FAAH: variants seen among roughly 807,000 people sequenced by gnomAD.
The protein encoded by FAAH is fatty-acid amide hydrolase 1.
In FAAH, 63 loss-of-function variants were observed where a neutral mutation model predicts 69.7. The ratio of observed to expected loss-of-function variants is 0.90; its 90% CI spans 0.74 to 1.12. The LOEUF is 1.12. FAAH is among the 50% of genes most tolerant of loss of function. The pLI is 0.00. For synonymous variants in FAAH, 305 were observed against 324.2 expected (o/e 0.94, Z 0.64); for missense variants, 680 against 755.0 (o/e 0.90, Z 1.16).
rs1318747500 is a variant in FAAH at position 46,413,136 on chromosome 1, C to T, written c.1527C>T (p.Val509=). The T allele has an allele frequency of 1.9e-6, 3 of 1,614,166 alleles. No homozygotes were observed. Among genetic ancestry groups the T allele is most frequent in the Non-Finnish European group, 2.5e-6 (3 of 1,180,022 alleles). The part of the protein sequence containing the change: ...CLDFPAGVVP[V]TTVTAEDEAQ... ...ACTTCCCTGCAGGGGTGGTGCCTGT[C>T]ACCACGGTGACTGCTGAGGACGAGG... Residue 509 remains valine (V), a synonymous_variant, in exon 14 of 15, where the codon GTC becomes GTT. Coordinates refer to ENST00000243167, the MANE Select transcript of FAAH (RefSeq NM_001441.3).
Position 46,410,342 on chromosome 1 carries a change from C to T in FAAH, c.1176-56C>T. ...ATGGGATTGCTGTGGGCCGGGCGAG[C>T]AAGCTGGGAAGGATGTGGGGATGGG... On this transcript the variant is annotated intron_variant, in intron 9 of 14. Transcript: ENST00000243167. The surrounding 1 kb of genome is among the most constrained non-coding windows in gnomAD (Gnocchi z 4.9). 6.9e-7 allele frequency: 1 copy of T among 1,448,212 alleles called. No individual in the cohort carries two copies. Among genetic ancestry groups the T allele is most frequent in the South Asian group, 1.1e-5 (1 of 87,654 alleles). 89.7% of individuals were successfully genotyped at this position (1,448,212 alleles called of 1,614,324 possible).
At chr1:46,412,342 G>A in intron 13 of FAAH, 91 bp downstream of exon 13, 1 of 1,123,744 alleles carries the variant, frequency 8.9e-7, no homozygotes, top group Non-Finnish European at 1.3e-6. Context: ...CCTCTGGGAG[G>A]ACCCTGCCCT....
At position 46,406,583 on chromosome 1, in the gene FAAH, CTTTTTTTTTTT is replaced by C. The variant is rs34839737; in HGVS notation, c.951+222_951+232del. ...TTTTTTTTTTTCCTTTTCTTTCTTT[CTTTTTTTTTTT>C]TTTTTTGAGACTGAGTATCGCTCTG... is the stretch of plus-strand genomic sequence containing the variant. On this transcript the variant is annotated intron_variant, in intron 7 of 14. Transcript: ENST00000243167. Among the ~76,000 whole-genome samples, 809 of 117,748 alleles carry C rather than the reference CTTTTTTTTTTT, an allele frequency of 6.9e-3. 9 individuals carry two copies. Among genetic ancestry groups the C allele is most frequent in the Middle Eastern group, 0.044 (9 of 206 alleles). The allele number at this position is 117,748 out of a possible 152,430, so 77.2% of individuals were successfully genotyped here.
In FAAH at chr1:46,411,155, A is replaced by G. The variant is rs112131491; in HGVS notation, c.1316+301A>G. On this transcript the variant is annotated intron_variant, in intron 11 of 14. Transcript: ENST00000243167. The surrounding 1 kb of genome is among the most constrained non-coding windows in gnomAD (Gnocchi z 4.8). ...CAGGAAGTGGGGGTTGGCCTGGGCCAAGGGTGGGGCACCCGGGAGAGATGC... is the reference window on the plus strand; with the variant it reads ...CAGGAAGTGGGGGTTGGCCTGGGCCGAGGGTGGGGCACCCGGGAGAGATGC... Among the ~76,000 whole-genome samples, 299 of 152,328 alleles carry G rather than the reference A, an allele frequency of 2.0e-3. 5 individuals are homozygous for G. The Middle Eastern group carries it at 0.037, about 19-fold the overall frequency.
intron 2 of FAAH, among the ~76,000 whole-genome samples, chr1:46,403,834 G>A (rs1185501762): frequency 1.3e-5 from 2 of 152,230 alleles, no homozygotes; most frequent in Non-Finnish European, 2.9e-5. Flanking sequence ...CCCATGGGGG[G>A]TCTTTGTGGA....
intron 9 of FAAH, 95 bp downstream of exon 9, chr1:46,409,293 G>A (rs1664857973): frequency 1.0e-6 from 1 of 983,986 alleles, no homozygotes; most frequent in African/African-American, 1.6e-5. Flanking sequence ...ATGGGCCTTA[G>A]CTGAATCCAA....
At position 46,409,875 on chromosome 1, in the gene FAAH, C is replaced by T. The variant is rs74886799; in HGVS notation, c.1176-523C>T. ...CAGCTTCACTCAGTCAAGGGCCCAG[C>T]CTGTCATGTTCCTTTCCTTCCCCTA... On this transcript the variant is annotated intron_variant, in intron 9 of 14. Coordinates refer to ENST00000243167, the MANE Select transcript of FAAH (RefSeq NM_001441.3). Among the ~76,000 whole-genome samples, 82 of 152,318 alleles carry T rather than the reference C, an allele frequency of 5.4e-4. 1 individual carries two copies. The East Asian group carries it at 0.013, about 25-fold the overall frequency.
chr1:46,394,451 C>G lies in FAAH; in HGVS notation c.103C>G (p.Arg35Gly), dbSNP rs1295514827. ...CGTGGCCCTGCGCTGGTCCGGGCGC[C>G]GGACGGCGCGGGGCGCGGTGGTCCG... ...AAVALRWSGR[R>G]TARGAVVRAR... The change falls in exon 1 of 15, where the codon CGG becomes GGG. Residue 35 changes from arginine to glycine, a missense_variant. By Grantham distance (125) the Arg-to-Gly change is moderately radical (BLOSUM62 -2). Transcript: ENST00000243167. The G allele has an allele frequency of 7.3e-6, 10 of 1,376,218 alleles. No homozygotes were observed. The East Asian group carries it at 3.1e-4, about 42-fold the overall frequency. The allele number at this position is 1,376,218 out of a possible 1,614,324, so 85.3% of individuals were successfully genotyped here.
Position 46,410,229 on chromosome 1 carries a change from C to T in FAAH, c.1176-169C>T, listed in dbSNP as rs867924505. ...GGATGTGGGTTGCAGCCCAGGCATC[C>T]CAAAGGATCAGCAGAAACAAACGGC... is the stretch of plus-strand genomic sequence containing the variant. On this transcript the variant is annotated intron_variant, in intron 9 of 14. Coordinates refer to ENST00000243167, the MANE Select transcript of FAAH (RefSeq NM_001441.3). The surrounding 1 kb of genome is among the most constrained non-coding windows in gnomAD (Gnocchi z 4.9). 1.4e-5 allele frequency: 10 copies of T among 708,504 alleles called. No homozygotes were observed. In the Middle Eastern group the frequency reaches 2.5e-3, roughly 180 times the overall value. The allele number at this position is 708,504 out of a possible 1,614,324, so 43.9% of individuals were successfully genotyped here. A position where few individuals can be genotyped will look rare whatever the true frequency, so the allele number is the denominator to read the frequency against.
chr1:46,404,914 G>T lies in FAAH; in HGVS notation c.310-100G>T. On this transcript the variant is annotated intron_variant, in intron 2 of 14. Coordinates refer to ENST00000243167, the MANE Select transcript of FAAH (RefSeq NM_001441.3). This position sits in a 1 kb window ranked among gnomAD's most constrained non-coding sequence, Gnocchi z 4.5. ...ATGTTGCTGGTTACCCCTCTCCCTG[G>T]GTATACTTTAAAAGGCCAGTTCTAC... is the stretch of plus-strand genomic sequence containing the variant. 1 of 1,533,732 alleles carries T rather than the reference G, an allele frequency of 6.5e-7. No individual in the cohort carries two copies. The highest frequency in any genetic ancestry group is 1.4e-5 in the African/African-American group (1 of 73,406).
In FAAH at chr1:46,405,863, G is replaced by A; in HGVS notation, c.785+69G>A. The A allele has an allele frequency of 2.5e-6, 4 of 1,606,196 alleles. No individual in the cohort carries two copies. Among genetic ancestry groups the A allele is most frequent in the East Asian group, 2.2e-5 (1 of 44,550 alleles). On this transcript the variant is annotated intron_variant, in intron 5 of 14. Transcript: ENST00000243167. The surrounding 1 kb of genome is among the most constrained non-coding windows in gnomAD (Gnocchi z 4.1). ...CTTGGCCTAGCTTCCAACCTCTCTG[G>A]GCTCCAGGCGGGGATTCGGTCTCCG... is the stretch of plus-strand genomic sequence containing the variant.
At chr1:46,397,599 T>C (rs1664619014) in intron 1 of FAAH, among the ~76,000 whole-genome samples, 1 of 152,232 alleles carries the variant, frequency 6.6e-6, no homozygotes, top group Non-Finnish European at 1.5e-5. Flanking sequence ...TCTTGCTCTG[T>C]CGCCCAGGCT....
At chr1:46,412,941 A>T (rs78357621) in intron 13 of FAAH, 134 bp from the exon 14 acceptor site, 3 of 1,096,092 alleles carry the variant, frequency 2.7e-6, no homozygotes, top group Non-Finnish European at 2.7e-6. Flanking sequence ...TTTGTCACTC[A>T]GACCTCAGTC....
At position 46,413,460 on chromosome 1, in the gene FAAH, G is replaced by A. The variant is rs201397810; in HGVS notation, c.1625G>A (p.Ser542Asn). ...TATCCCCTATAGGGCATGAAGAAGA[G>A]TGTGGGGCTGCCGGTGGCCGTGCAG... ...DKMLQKGMKK[S>N]VGLPVAVQCV... The change falls in exon 15 of 15, where the codon AGT becomes AAT. Residue 542 changes from serine to asparagine, a missense_variant. Coordinates refer to ENST00000243167, the MANE Select transcript of FAAH (RefSeq NM_001441.3). 2.8e-5 allele frequency: 45 copies of A among 1,614,042 alleles called. No homozygotes were observed. Among genetic ancestry groups the A allele is most frequent in the Non-Finnish European group, 3.6e-5 (43 of 1,180,024 alleles).
Position 46,410,083 on chromosome 1 carries a change from TCCC to T in FAAH, c.1176-314_1176-312del, listed in dbSNP as rs1664883533. On this transcript the variant is annotated intron_variant, in intron 9 of 14. Coordinates refer to ENST00000243167, the MANE Select transcript of FAAH (RefSeq NM_001441.3). The surrounding 1 kb of genome is among the most constrained non-coding windows in gnomAD (Gnocchi z 4.9). Reference sequence around the variant, plus strand: ...CCCACCTGTGCCTCCAGGCTGTACCTCCCTAAGGGGAGGTACCCTCAGGGAGGC... The same window carrying T: ...CCCACCTGTGCCTCCAGGCTGTACCTTAAGGGGAGGTACCCTCAGGGAGGC... 3.3e-5 allele frequency: 10 copies of T among 303,014 alleles called. No homozygotes were observed. Among genetic ancestry groups the T allele is most frequent in the South Asian group, 3.2e-4 (8 of 25,046 alleles). The allele number at this position is 303,014 out of a possible 1,614,324, so 18.8% of individuals were successfully genotyped here. A position where few individuals can be genotyped will look rare whatever the true frequency, so the allele number is the denominator to read the frequency against.
At position 46,411,890 on chromosome 1, in the gene FAAH, C is replaced by T. The variant is rs952825666; in HGVS notation, c.1356+239C>T. ...TCCTGTCCTGGCCGCCTTTTTGCCCCTCTGGAGCTGCCTTTGTGTGGCTCC... is the reference window on the plus strand; with the variant it reads ...TCCTGTCCTGGCCGCCTTTTTGCCCTTCTGGAGCTGCCTTTGTGTGGCTCC... On this transcript the variant is annotated intron_variant, in intron 12 of 14. Coordinates refer to ENST00000243167, the MANE Select transcript of FAAH (RefSeq NM_001441.3). The surrounding 1 kb of genome is among the most constrained non-coding windows in gnomAD (Gnocchi z 4.8). Among the ~76,000 whole-genome samples the T allele has an allele frequency of 2.6e-5, 4 of 152,262 alleles. No individual in the cohort carries two copies. The highest frequency in any genetic ancestry group is 9.6e-5 in the African/African-American group (4 of 41,474).
rs1022748542 is a variant in FAAH at position 46,405,683 on chromosome 1, T to A, written c.674T>A (p.Ile225Asn). The A allele has an allele frequency of 2.5e-6, 4 of 1,613,498 alleles. No individual in the cohort carries two copies. In the Admixed American group the frequency reaches 6.7e-5, roughly 27 times the overall value. Residue 225 changes from isoleucine to asparagine, a missense_variant, in exon 5 of 15, where the codon ATC (isoleucine) becomes AAC (asparagine). Transcript: ENST00000243167. This position sits in a 1 kb window ranked among gnomAD's most constrained non-coding sequence, Gnocchi z 4.1. ...TCCTCAGGGGGTGAAGGGGCCCTCA[T>A]CGGGTCTGGAGGCTCCCCCCTGGGC... The part of the protein sequence containing the change: ...GGSSGGEGAL[I>N]GSGGSPLGLG...
chr1:46,405,327 A>AC lies in FAAH; in HGVS notation c.445-44dup. 1 of 1,605,744 alleles carries AC rather than the reference A, an allele frequency of 6.2e-7. No homozygotes were observed. Among genetic ancestry groups the AC allele is most frequent in the African/African-American group, 1.3e-5 (1 of 75,004 alleles). ...TGTTGGAGTGGACCCTTGGCTGCCCACGGGCCCTGACTCACTCCCTTCTGG... is the reference window on the plus strand; with the variant it reads ...TGTTGGAGTGGACCCTTGGCTGCCCACCGGGCCCTGACTCACTCCCTTCTGG... On this transcript the variant is annotated intron_variant, in intron 3 of 14. Transcript: ENST00000243167. The surrounding 1 kb of genome is among the most constrained non-coding windows in gnomAD (Gnocchi z 4.1).
At chr1:46,399,580 G>A (rs1367214761) in intron 1 of FAAH, among the ~76,000 whole-genome samples, 3 of 152,250 alleles carry the variant, frequency 2.0e-5, no homozygotes, top group East Asian at 1.9e-4. Flanking sequence ...GCCTTGTAGC[G>A]AGGTCGGGGG....
Sources: gnomAD v4.1 joint callset for allele counts (sites outside exome capture counted in the v4.1 genomes callset) on GRCh38, gnomAD v4.1.1 for gene constraint, Gnocchi (gnomAD v3.1) non-coding constraint, MANE v1.5 for transcripts, NCBI Gene and HGNC (gene_info 2026-07-23, HGNC 2026-07-21) for gene names.